NHS: variants seen among roughly 807,000 people sequenced by gnomAD.
NHS encodes the protein actin remodeling regulator NHS.
NHS carries 5 observed loss-of-function variants against 72.5 expected under a neutral mutation model. The observed-to-expected ratio is 0.07, with a 90% CI of 0.04 to 0.14. The LOEUF (loss-of-function observed/expected upper bound fraction) is 0.14. Ranked by LOEUF, NHS falls within the 10% of genes least tolerant of loss-of-function variation. The pLI is 1.00. For missense variants in NHS, 1,072 were observed against 1,355.7 expected, an observed-to-expected ratio of 0.79 and a Z score of 3.29; for synonymous variants, 464 against 547.7, an observed-to-expected ratio of 0.85 and a Z score of 2.13.
intron 1 of NHS, among the ~76,000 whole-genome samples, chrX:17,403,304 T>C (rs1283079317): frequency 8.9e-6 from 1 of 112,274 alleles, no homozygotes; most frequent in African/African-American, 3.2e-5. Flanking sequence ...AGTCTACTTA[T>C]GTGTCCAGGA....
chrX:17,576,092 G>A (rs1601782125), intron 1 of NHS, among the ~76,000 whole-genome samples: 2 of 111,531 alleles, frequency 1.8e-5, no homozygotes, highest in Middle Eastern at 4.6e-3. Context: ...TAGTTCTCTC[G>A]ATGTCTAGAG....
At chrX:17,623,364 A>G (rs1205820657) in intron 1 of NHS, among the ~76,000 whole-genome samples, 3 of 112,029 alleles carry the variant, frequency 2.7e-5, no homozygotes, top group Non-Finnish European at 5.6e-5. Flanking sequence ...CTTCCTGGAC[A>G]CACGGCCAGG....
chrX:17,438,864 T>C (rs1355962551), intron 1 of NHS, among the ~76,000 whole-genome samples: 1 of 110,186 alleles, frequency 9.1e-6, no homozygotes, highest in African/African-American at 3.3e-5. Context: ...CTGATAGAAA[T>C]TGGAAATGAG....
At chrX:17,530,264 A>G (rs1033459437) in intron 1 of NHS, among the ~76,000 whole-genome samples, 1 of 111,200 alleles carries the variant, frequency 9.0e-6, no homozygotes, top group South Asian at 3.9e-4. Flanking sequence ...GCTTATTTCT[A>G]TCTGCCATTA....
chrX:17,711,763 G>T (rs1168273495), intron 3 of NHS, among the ~76,000 whole-genome samples: 1 of 111,667 alleles, frequency 9.0e-6, no homozygotes, highest in Middle Eastern at 4.2e-3. Flanking sequence ...GGCTGCTTAT[G>T]CTACATATAC....
At chrX:17,381,703 A>G (rs763984318) in intron 1 of NHS, among the ~76,000 whole-genome samples, 7 of 112,472 alleles carry the variant, frequency 6.2e-5, no homozygotes, top group Admixed American at 9.4e-5. Flanking sequence ...CTGATGATGG[A>G]CATTTGGGTT....
chrX:17,385,643 T>G (rs1338506435), intron 1 of NHS, among the ~76,000 whole-genome samples: 1 of 112,207 alleles, frequency 8.9e-6, no homozygotes, highest in Non-Finnish European at 1.9e-5. Flanking sequence ...AAACACTACA[T>G]AATATTCCCC....
chrX:17,628,922 T>C (rs1569296620), intron 1 of NHS, among the ~76,000 whole-genome samples: 1 of 113,284 alleles, frequency 8.8e-6, no homozygotes, highest in East Asian at 2.8e-4. Flanking sequence ...ACATATTTGC[T>C]GAATGAATAA....
chrX:17,495,760 C>G (rs1398817266), intron 1 of NHS, among the ~76,000 whole-genome samples: 1 of 111,924 alleles, frequency 8.9e-6, no homozygotes, highest in Non-Finnish European at 1.9e-5. Context: ...GAGTGTCTAA[C>G]CAGGAAAATG....
At chrX:17,632,025 C>T (rs2065823774) in intron 1 of NHS, among the ~76,000 whole-genome samples, 1 of 111,694 alleles carries the variant, frequency 9.0e-6, no homozygotes, top group South Asian at 3.7e-4. Flanking sequence ...AATCCTGTAC[C>T]ACAGTTGCTT....
chrX:17,546,042 G>C, intron 1 of NHS, among the ~76,000 whole-genome samples: 1 of 112,208 alleles, frequency 8.9e-6, no homozygotes, highest in East Asian at 2.8e-4. Context: ...AAGGTTATGA[G>C]AACTTTGGAG....
chrX:17,422,274 G>T (rs961454257), intron 1 of NHS, among the ~76,000 whole-genome samples: 6 of 111,887 alleles, frequency 5.4e-5, no homozygotes, highest in Non-Finnish European at 9.4e-5. Flanking sequence ...ACAGACTGGG[G>T]TAACAAAACT....
chrX:17,433,175 G>A (rs749102094), intron 1 of NHS, among the ~76,000 whole-genome samples: 50 of 100,654 alleles, frequency 5.0e-4, no homozygotes, highest in African/African-American at 1.5e-3. Flanking sequence ...GACTACAGGC[G>A]CCCGCCACCA....
At chrX:17,698,234 AAAACACAAATAAAATAAGC>A (rs1259997527) in intron 3 of NHS, among the ~76,000 whole-genome samples, 1 of 111,971 alleles carries the variant, frequency 8.9e-6, no homozygotes, top group Non-Finnish European at 1.9e-5. Context: ...AAAGAGAGAG[AAAACACAAATAAAATAAGC>A]AATGACAGGA....
intron 1 of NHS, among the ~76,000 whole-genome samples, chrX:17,483,620 G>A (rs944676257): frequency 1.8e-5 from 2 of 111,503 alleles, no homozygotes; most frequent in Non-Finnish European, 3.8e-5. Flanking sequence ...GTCCAGCAAT[G>A]TCGGAGTTCT....
chrX:17,526,412 A>G (rs1364347176), intron 1 of NHS, among the ~76,000 whole-genome samples: 4 of 112,377 alleles, frequency 3.6e-5, no homozygotes, highest in Non-Finnish European at 5.6e-5. Context: ...GCTTGTTCAT[A>G]TGGTGATCAC....
At chrX:17,541,804 A>ACACACACACACACACACACC in intron 1 of NHS, among the ~76,000 whole-genome samples, 1 of 108,091 alleles carries the variant, frequency 9.3e-6, no homozygotes, top group South Asian at 4.2e-4. Context: ...ACACACACAC[A>ACACACACACACACACACACC]CACACACACA....
chrX:17,478,297 A>G (rs905326777), intron 1 of NHS, among the ~76,000 whole-genome samples: 2 of 111,866 alleles, frequency 1.8e-5, no homozygotes, highest in Non-Finnish European at 3.8e-5. Flanking sequence ...AGTTCACATC[A>G]AGTAGTGACC....
At chrX:17,562,488 C>A (rs1007431478) in intron 1 of NHS, among the ~76,000 whole-genome samples, 1 of 111,358 alleles carries the variant, frequency 9.0e-6, no homozygotes, top group Non-Finnish European at 1.9e-5. Flanking sequence ...GGCACAGAGA[C>A]ACAGGTAGGG....
Sources: gnomAD v4.1 joint callset for allele counts (sites outside exome capture counted in the v4.1 genomes callset) on GRCh38, gnomAD v4.1.1 for gene constraint, MANE v1.5 for transcripts, NCBI Gene and HGNC (gene_info 2026-07-23, HGNC 2026-07-21) for gene names.